DHRS7C: variants seen among roughly 807,000 people sequenced by gnomAD.
DHRS7C encodes dehydrogenase/reductase SDR family member 7C.
A neutral mutation model predicts 29.6 loss-of-function variants in DHRS7C; 28 were observed. The observed-to-expected ratio is 0.95, with a 90% CI of 0.70 to 1.30. DHRS7C has a LOEUF of 1.30. Ranked by LOEUF, DHRS7C falls within the 50% of genes most tolerant of loss-of-function variation. DHRS7C has a pLI of 0.00. For missense variants in DHRS7C, 403 were observed against 393.3 expected, an observed-to-expected ratio of 1.02 and a Z score of -0.21; for synonymous variants, 158 against 160.2, an observed-to-expected ratio of 0.99 and a Z score of 0.10.
chr17:9,783,744 T>C (rs567471174), intron 1 of DHRS7C, among the ~76,000 whole-genome samples: 7 of 152,164 alleles, frequency 4.6e-5, no homozygotes, highest in Non-Finnish European at 7.4e-5. Context: ...GGTGAGCAGA[T>C]CACTTGAGGT....
In DHRS7C at chr17:9,775,816, A is replaced by G. The variant is rs1248995176; in HGVS notation, c.571+1377T>C. Among the ~76,000 whole-genome samples, 1 of 152,208 alleles carries G rather than the reference A, an allele frequency of 6.6e-6. No homozygotes were observed. The highest frequency in any genetic ancestry group is 6.5e-5 in the Admixed American group (1 of 15,268). On this transcript the variant is annotated intron_variant, in intron 4 of 5. Transcript: ENST00000571134. This position sits in a 1 kb window ranked among gnomAD's most constrained non-coding sequence, Gnocchi z 4.2. Reference sequence around the variant, plus strand: ...CCCAATACCCAGTACTCAGAATGTGACGGTATTTAGAGATATTTAAAGAGG... The same window carrying G: ...CCCAATACCCAGTACTCAGAATGTGGCGGTATTTAGAGATATTTAAAGAGG...
In DHRS7C at chr17:9,791,269, T is replaced by A. The variant is rs907007029; in HGVS notation, c.16A>T (p.Met6Leu). The stretch of plus-strand genomic sequence containing the variant: ...AGCAGCAGCAGGGGGAGCATCAGCA[T>A]GGCCATGACTCCCATCTTGTTCTGG... MGVMA[M>L]LMLPLLLLGI... is the part of the protein sequence containing the mutation. The change falls in exon 1 of 6, where the codon ATG becomes TTG. Residue 6 changes from methionine (M) to leucine (L), a missense_variant. Transcript: ENST00000571134. The A allele has an allele frequency of 6.2e-7, 1 of 1,613,568 alleles. No homozygotes were observed. Among genetic ancestry groups the A allele is most frequent in the African/African-American group, 1.3e-5 (1 of 74,922 alleles).
At chr17:9,773,627 C>G (rs1250013985) in intron 4 of DHRS7C, among the ~76,000 whole-genome samples, 1 of 151,846 alleles carries the variant, frequency 6.6e-6, no homozygotes, top group Non-Finnish European at 1.5e-5. Context: ...TACTGTGGTT[C>G]CTGCCACTGT....
At chr17:9,789,979 T>G (rs909467541) in intron 1 of DHRS7C, among the ~76,000 whole-genome samples, 3 of 152,204 alleles carry the variant, frequency 2.0e-5, no homozygotes, top group African/African-American at 4.8e-5. Flanking sequence ...CTAGTCTATC[T>G]GCCTTATGCT....
rs2280490 is a variant in DHRS7C at position 9,772,817 on chromosome 17, G to C, written c.677C>G (p.Ser226Trp). Residue 226 changes from serine (S) to tryptophan (W), a missense_variant, in exon 5 of 6, where the codon TCG becomes TGG. Physicochemically the swap from Ser to Trp is radical, Grantham distance 177. Coordinates refer to ENST00000571134, the MANE Select transcript of DHRS7C (RefSeq NM_001105571.3). ...ISTVSPTFIR[S>W]YHVYPEQGNW... ...TCCTTGCTCTGGATACACGTGGTAC[G>C]ACCGGATGAAAGTCGGGCTCACGGT... The C allele has an allele frequency of 6.2e-7, 1 of 1,613,564 alleles. No homozygotes were observed. Among genetic ancestry groups the C allele is most frequent in the South Asian group, 1.1e-5 (1 of 91,044 alleles).
intron 3 of DHRS7C, 21 bp from the exon 4 acceptor site, chr17:9,777,306 CATCATGGTTA>C: frequency 6.2e-7 from 1 of 1,605,708 alleles, no homozygotes; most frequent in Non-Finnish European, 8.5e-7. Context: ...CAGGACGATG[CATCATGGTTA>C]AAACTTTGAG....
chr17:9,775,255 T>G lies in DHRS7C; in HGVS notation c.571+1938A>C, dbSNP rs2066355482. Among the ~76,000 whole-genome samples, 1 of 152,218 alleles carries G rather than the reference T, an allele frequency of 6.6e-6. No homozygotes were observed. Among genetic ancestry groups the G allele is most frequent in the South Asian group, 2.1e-4 (1 of 4,836 alleles). On this transcript the variant is annotated intron_variant, in intron 4 of 5. Transcript: ENST00000571134. This position sits in a 1 kb window ranked among gnomAD's most constrained non-coding sequence, Gnocchi z 4.2. ...AAGGAGCAGTGGGGAGATTCCTAAG[T>G]GGACTGGGGAAGAGAGGAAAAGGCA...
At chr17:9,773,009 A>C (rs2066340826) in intron 4 of DHRS7C, 87 bp from the exon 5 acceptor site, 2 of 1,503,770 alleles carry the variant, frequency 1.3e-6, no homozygotes, top group African/African-American at 2.8e-5. Flanking sequence ...GGGCCGACAG[A>C]CACATTTCCT....
chr17:9,789,290 TCGAAATCATA>T (rs1408103278), intron 1 of DHRS7C, among the ~76,000 whole-genome samples: 1 of 152,118 alleles, frequency 6.6e-6, no homozygotes, highest in Non-Finnish European at 1.5e-5. Context: ...TTTAAAAGAA[TCGAAATCATA>T]CAGAGCGTAT....
At chr17:9,778,255 G>A (rs976974952) in intron 3 of DHRS7C, among the ~76,000 whole-genome samples, 9 of 152,002 alleles carry the variant, frequency 5.9e-5, no homozygotes, top group African/African-American at 1.7e-4. Flanking sequence ...TTACCCAGGC[G>A]TGGTGGCGGG....
In DHRS7C at chr17:9,783,936, G is replaced by GTT. The variant is rs11409360; in HGVS notation, c.155-2344_155-2343dup. ...AGCCTGGGCAACAGAGTGAGACTCT[G>GTT]TTTTTTTTTTGTTTTTTTGTTTTTT... On this transcript the variant is annotated intron_variant, in intron 1 of 5. Coordinates refer to ENST00000571134, the MANE Select transcript of DHRS7C (RefSeq NM_001105571.3). Among the ~76,000 whole-genome samples, 324 of 145,804 alleles carry GTT rather than the reference G, an allele frequency of 2.2e-3. 1 individual carries two copies. Among genetic ancestry groups the GTT allele is most frequent in the Non-Finnish European group, 3.8e-3 (255 of 66,776 alleles).
At chr17:9,776,695 C>G (rs1423537673) in intron 4 of DHRS7C, among the ~76,000 whole-genome samples, 1 of 152,126 alleles carries the variant, frequency 6.6e-6, no homozygotes, top group Non-Finnish European at 1.5e-5. Context: ...AAAGGACGCT[C>G]ATATTTGGAG....
intron 4 of DHRS7C, 116 bp downstream of exon 4, chr17:9,777,077 G>T (rs2066366166): frequency 1.6e-5 from 13 of 808,550 alleles, no homozygotes; most frequent in Non-Finnish European, 2.4e-5. Flanking sequence ...AGCAGATGGT[G>T]TCATCCTTGG....
intron 1 of DHRS7C, among the ~76,000 whole-genome samples, chr17:9,785,961 G>C (rs907164765): frequency 6.6e-6 from 1 of 152,046 alleles, no homozygotes; most frequent in Non-Finnish European, 1.5e-5. Context: ...ATTAGACTGG[G>C]CATCCCAATT....
chr17:9,772,697 T>C (rs1459392549), intron 5 of DHRS7C, 70 bp downstream of exon 5: 2 of 1,553,990 alleles, frequency 1.3e-6, no homozygotes, highest in Non-Finnish European at 8.7e-7. Context: ...CTGAAGGTCA[T>C]TCATCCCCCC....
In DHRS7C at chr17:9,775,009, T is replaced by A. The variant is rs1266394826; in HGVS notation, c.572-2087A>T. Among the ~76,000 whole-genome samples, 1 of 152,132 alleles carries A rather than the reference T, an allele frequency of 6.6e-6. No individual in the cohort carries two copies. The highest frequency in any genetic ancestry group is 1.5e-5 in the Non-Finnish European group (1 of 68,018). On this transcript the variant is annotated intron_variant, in intron 4 of 5. Transcript: ENST00000571134. This position sits in a 1 kb window ranked among gnomAD's most constrained non-coding sequence, Gnocchi z 4.2. Reference sequence around the variant, plus strand: ...AGAATTCTGAGTCCCCAATACTGTGTTTTGCAAATGTTCCCAGGAAACTCG... The same window carrying A: ...AGAATTCTGAGTCCCCAATACTGTGATTTGCAAATGTTCCCAGGAAACTCG...
intron 4 of DHRS7C, 28 bp from the exon 5 acceptor site, chr17:9,772,950 C>T (rs371623779): frequency 1.9e-6 from 3 of 1,610,760 alleles, no homozygotes; most frequent in Non-Finnish European, 2.5e-6. Context: ...CGGAGGTGGG[C>T]GCAGGACACT....
intron 1 of DHRS7C, among the ~76,000 whole-genome samples, chr17:9,785,617 G>A (rs994193827): frequency 1.3e-5 from 2 of 152,190 alleles, no homozygotes; most frequent in Admixed American, 1.3e-4. Context: ...GCTAAGGAGG[G>A]ATTGAGTGAG....
intron 1 of DHRS7C, among the ~76,000 whole-genome samples, chr17:9,785,959 G>A (rs2066420778): frequency 6.6e-6 from 1 of 152,074 alleles, no homozygotes; most frequent in Admixed American, 6.6e-5. Context: ...GTATTAGACT[G>A]GGCATCCCAA....
Sources: allele counts gnomAD v4.1 joint callset (sites outside exome capture counted in the v4.1 genomes callset), GRCh38; gene constraint gnomAD v4.1.1; non-coding constraint Gnocchi (gnomAD v3.1); transcripts MANE v1.5; gene names NCBI Gene and HGNC (gene_info 2026-07-23, HGNC 2026-07-21).